Variants in ARHGAP42 observed in about 807,000 individuals in gnomAD.
The protein encoded by ARHGAP42 is Rho GTPase activating protein 42.
A neutral mutation model predicts 125.0 loss-of-function variants in ARHGAP42; 63 were observed. The observed-to-expected ratio is 0.50, with a 90% CI of 0.41 to 0.62. The LOEUF is 0.62. Ranked by LOEUF, ARHGAP42 falls within the 20% of genes least tolerant of loss-of-function variation. The pLI is 0.00. For missense variants in ARHGAP42, 766 were observed against 1,024.2 expected, an observed-to-expected ratio of 0.75 and a Z score of 3.44; for synonymous variants, 339 against 351.0, an observed-to-expected ratio of 0.97 and a Z score of 0.38.
intron 3 of ARHGAP42, among the ~76,000 whole-genome samples, chr11:100,840,340 T>C (rs534547468): frequency 2.2e-4 from 34 of 152,140 alleles, no homozygotes; most frequent in South Asian, 2.1e-4. Context: ...AGATTAAGTT[T>C]GGAAATGTTC....
At chr11:100,903,531 G>A (rs1866621158) in intron 4 of ARHGAP42, among the ~76,000 whole-genome samples, 1 of 151,066 alleles carries the variant, frequency 6.6e-6, no homozygotes, top group South Asian at 2.1e-4. Flanking sequence ...TGTAACCCTA[G>A]TTTTGTCCCT....
intron 4 of ARHGAP42, among the ~76,000 whole-genome samples, chr11:100,863,063 C>CA (rs1465169852): frequency 1.2e-3 from 25 of 20,556 alleles, no homozygotes; most frequent in Middle Eastern, 0.019. Context: ...ACACAAAACA[C>CA]ACACACACAC....
At chr11:100,863,500 G>A (rs1865498869) in intron 4 of ARHGAP42, among the ~76,000 whole-genome samples, 2 of 152,184 alleles carry the variant, frequency 1.3e-5, no homozygotes, top group African/African-American at 2.4e-5. Context: ...CCTTTGTAGT[G>A]TATTCTATGG....
chr11:100,952,734 C>CTT (rs59112603), intron 12 of ARHGAP42, among the ~76,000 whole-genome samples: 1 of 117,526 alleles, frequency 8.5e-6, no homozygotes, highest in Non-Finnish European at 1.7e-5. Flanking sequence ...CTAAGTCAGG[C>CTT]TTTTTTTTTT....
intron 12 of ARHGAP42, among the ~76,000 whole-genome samples, chr11:100,958,985 G>A (rs1482162078): frequency 6.6e-6 from 1 of 151,896 alleles, no homozygotes; most frequent in East Asian, 1.9e-4. Context: ...ACAAGAATGT[G>A]TTTAATCTAC....
In ARHGAP42 at chr11:100,849,053, G is replaced by C. The variant is rs377537148; in HGVS notation, c.313-10501G>C. Reference sequence around the variant, plus strand: ...TCATAGCCAATTCTATGAACTGAAAGTAATTCAAGCCATGGCCTAAGGGTA... The same window carrying C: ...TCATAGCCAATTCTATGAACTGAAACTAATTCAAGCCATGGCCTAAGGGTA... On this transcript the variant is annotated intron_variant, in intron 3 of 23. Transcript: ENST00000298815. Among the ~76,000 whole-genome samples, 12 of 152,322 alleles carry C rather than the reference G, an allele frequency of 7.9e-5. No individual in the cohort carries two copies. In the East Asian group the frequency reaches 2.1e-3, roughly 27 times the overall value.
At chr11:100,779,485 T>TATACAC (rs1312550660) in intron 2 of ARHGAP42, among the ~76,000 whole-genome samples, 82 of 81,374 alleles carry the variant, frequency 1.0e-3, no homozygotes, top group African/African-American at 1.9e-3. Flanking sequence ...TATATATATA[T>TATACAC]ACACACACAC....
intron 4 of ARHGAP42, among the ~76,000 whole-genome samples, chr11:100,882,161 T>G (rs1281721158): frequency 6.6e-6 from 1 of 152,220 alleles, no homozygotes; most frequent in Admixed American, 6.5e-5. Context: ...GGCATCCTTG[T>G]CTTGCTCCAG....
intron 4 of ARHGAP42, among the ~76,000 whole-genome samples, chr11:100,899,734 G>GTTTTTTT (rs1439404512): frequency 6.3e-5 from 4 of 63,784 alleles, no homozygotes; most frequent in East Asian, 5.4e-4. Context: ...TTTTTTTTTT[G>GTTTTTTT]TTTTTTTTTG....
chr11:100,777,839 A>G (rs1863167456), intron 2 of ARHGAP42, among the ~76,000 whole-genome samples: 1 of 152,216 alleles, frequency 6.6e-6, no homozygotes, highest in African/African-American at 2.4e-5. Context: ...GAGTACAAAT[A>G]TGCATTTTTA....
rs535162188 is a variant in ARHGAP42, at chr11:100,918,467, T to C, written c.487-3027T>C. On this transcript the variant is annotated intron_variant, in intron 5 of 23. Transcript: ENST00000298815. The stretch of plus-strand genomic sequence containing the variant: ...TTTGCCAGGTAAACAAGTTTACACC[T>C]GTTGTTCTGGCCTAATTATTACTAG... 3.9e-5 allele frequency among the ~76,000 whole-genome samples: 6 copies of C among 152,310 alleles called. No homozygotes were observed. The South Asian group carries it at 6.2e-4, about 16-fold the overall frequency.
intron 1 of ARHGAP42, among the ~76,000 whole-genome samples, chr11:100,765,603 C>G (rs1446035879): frequency 3.3e-5 from 5 of 152,186 alleles, no homozygotes; most frequent in African/African-American, 4.8e-5. Flanking sequence ...TAATCTCTGT[C>G]AGAGAATTTA....
At chr11:100,714,654 T>C (rs1861623623) in intron 1 of ARHGAP42, among the ~76,000 whole-genome samples, 2 of 152,174 alleles carry the variant, frequency 1.3e-5, no homozygotes, top group South Asian at 2.1e-4. Context: ...CGTAGAGATA[T>C]CTGGCTAGGC....
intron 3 of ARHGAP42, among the ~76,000 whole-genome samples, chr11:100,832,422 A>T (rs1340450131): frequency 1.3e-5 from 2 of 152,212 alleles, no homozygotes; most frequent in Non-Finnish European, 2.9e-5. Flanking sequence ...TTCTCCAGTT[A>T]TATAAACTGA....
chr11:100,887,670 A>G (rs1252312532), intron 4 of ARHGAP42, among the ~76,000 whole-genome samples: 1 of 152,168 alleles, frequency 6.6e-6, no homozygotes, highest in African/African-American at 2.4e-5. Context: ...TCCCTTCAGG[A>G]TGACCTTTTA....
At chr11:100,908,654 A>G (rs965209740) in intron 4 of ARHGAP42, among the ~76,000 whole-genome samples, 19 of 152,152 alleles carry the variant, frequency 1.2e-4, no homozygotes, top group African/African-American at 4.6e-4. Flanking sequence ...ATTGATGGAC[A>G]CTTAGGTTGA....
At chr11:100,980,930 G>A (rs921712361) in intron 22 of ARHGAP42, among the ~76,000 whole-genome samples, 2 of 152,024 alleles carry the variant, frequency 1.3e-5, no homozygotes, top group Non-Finnish European at 2.9e-5. Context: ...CTTTTAGTGG[G>A]GATCAGCATA....
At chr11:100,690,013 C>T (rs1433978347) in intron 1 of ARHGAP42, among the ~76,000 whole-genome samples, 4 of 152,108 alleles carry the variant, frequency 2.6e-5, no homozygotes, top group African/African-American at 4.8e-5. Context: ...GCTGCCCCTG[C>T]CCTGACCACT....
rs887037683 is a variant in ARHGAP42, at chr11:100,729,660, T to A, written c.155-40683T>A. Among the ~76,000 whole-genome samples the A allele has an allele frequency of 5.9e-5, 9 of 152,228 alleles. No individual in the cohort carries two copies. In the East Asian group the frequency reaches 1.3e-3, roughly 23 times the overall value. ...AAGCTAACTTTAAAAAAATAGTAAT[T>A]TTTAAAACATTTCTAAACGTATTAT... On this transcript the variant is annotated intron_variant, in intron 1 of 23. Coordinates refer to ENST00000298815, the MANE Select transcript of ARHGAP42 (RefSeq NM_152432.4).
Sources: allele counts gnomAD v4.1 joint callset (sites outside exome capture counted in the v4.1 genomes callset), GRCh38; gene constraint gnomAD v4.1.1; transcripts MANE v1.5; gene names NCBI Gene and HGNC (gene_info 2026-07-23, HGNC 2026-07-21).